Variants in NCALD observed in about 807,000 individuals in gnomAD.
NCALD encodes neurocalcin delta, also known as neurocalcin-delta.
Under a neutral mutation model 18.6 loss-of-function variants are expected in NCALD, and 10 were observed. The ratio of observed to expected loss-of-function variants is 0.54; its 90% CI spans 0.33 to 0.91. The LOEUF is 0.91. NCALD is among the 40% of genes least tolerant of loss of function. NCALD has a pLI of 0.03. For missense variants in NCALD, 184 were observed against 247.6 expected (o/e 0.74, Z 1.72); for synonymous variants, 88 against 87.4 (o/e 1.01, Z -0.04).
chr8:102,106,466 T>TATATAC (rs1554598545), intron 1 of NCALD, among the ~76,000 whole-genome samples: 37 of 139,102 alleles, frequency 2.7e-4, no homozygotes, highest in East Asian at 8.1e-4. Flanking sequence ...TATATATATA[T>TATATAC]ACACACACAC....
At position 102,059,556 on chromosome 8, in the gene NCALD, A is replaced by C. The variant is rs549738403; in HGVS notation, c.-209-39267T>G. Among the ~76,000 whole-genome samples the C allele has an allele frequency of 4.8e-4, 73 of 152,244 alleles. 1 individual carries two copies. Among genetic ancestry groups the C allele is most frequent in the Non-Finnish European group, 1.5e-4 (10 of 68,042 alleles). On this transcript the variant is annotated intron_variant, in intron 1 of 6. Coordinates refer to the NCALD transcript ENST00000311028. ...ACATGAACAAAATCAGGCTATAAAC[A>C]TGTAAAACCATTAGTAAAATATCAA...
upstream of NCALD, among the ~76,000 whole-genome samples, chr8:101,793,839 C>T (rs907978907): frequency 6.6e-6 from 1 of 152,162 alleles, no homozygotes; most frequent in Admixed American, 6.5e-5. Flanking sequence ...GACCACTTTG[C>T]CAGAAATAAC....
intron 1 of NCALD, among the ~76,000 whole-genome samples, chr8:102,074,761 A>G (rs1219052111): frequency 1.3e-5 from 2 of 152,212 alleles, no homozygotes. Flanking sequence ...ACTTTCTTCT[A>G]TAAAGAACTT....
rs996741967 is a variant in NCALD, at chr8:102,010,151, G to A, written c.-157+10086C>T. On this transcript the variant is annotated intron_variant, in intron 2 of 6. Coordinates refer to the NCALD transcript ENST00000311028. Reference sequence around the variant, plus strand: ...CTGAGAAATAGCTAATCACAAACACGTAGCACCCTCCAGCAAGATGTTATA... The same window carrying A: ...CTGAGAAATAGCTAATCACAAACACATAGCACCCTCCAGCAAGATGTTATA... Among the ~76,000 whole-genome samples the A allele has an allele frequency of 6.6e-5, 10 of 152,242 alleles. No individual in the cohort carries two copies. In the East Asian group the frequency reaches 7.7e-4, roughly 12 times the overall value.
intron 3 of NCALD, among the ~76,000 whole-genome samples, chr8:101,908,611 C>A (rs1053534558): frequency 6.6e-6 from 1 of 152,158 alleles, no homozygotes; most frequent in Non-Finnish European, 1.5e-5. Flanking sequence ...ACTCCTGCAT[C>A]TTCTACCCTT....
intron 3 of NCALD, among the ~76,000 whole-genome samples, chr8:101,893,011 A>C (rs1215711025): frequency 6.7e-6 from 1 of 148,984 alleles, no homozygotes; most frequent in Admixed American, 6.6e-5. Context: ...AAATACAGAG[A>C]ACGCCACAAA....
At chr8:101,830,198 C>A (rs901566123) in intron 4 of NCALD, among the ~76,000 whole-genome samples, 1 of 152,060 alleles carries the variant, frequency 6.6e-6, no homozygotes, top group Admixed American at 6.5e-5. Flanking sequence ...TTATAAGATA[C>A]AATTGATACT....
chr8:101,814,561 A>G, intron 4 of NCALD, among the ~76,000 whole-genome samples: 1 of 152,104 alleles, frequency 6.6e-6, no homozygotes, highest in East Asian at 1.9e-4. Context: ...ACAGCTTCCC[A>G]CTAAGAACAG....
rs114048520 is a variant in NCALD at position 101,975,865 on chromosome 8, C to T, written c.-157+44372G>A. On this transcript the variant is annotated intron_variant, in intron 2 of 6. Coordinates refer to the NCALD transcript ENST00000311028. Reference sequence around the variant, plus strand: ...ATCTTCTCTTTGTATTTCACCTTCACTCTCCAACCTATTCTACCCTGCTCT... The same window carrying T: ...ATCTTCTCTTTGTATTTCACCTTCATTCTCCAACCTATTCTACCCTGCTCT... 7.8e-3 allele frequency among the ~76,000 whole-genome samples: 1,184 copies of T among 152,274 alleles called. 18 individuals are homozygous for T. The highest frequency in any genetic ancestry group is 0.026 in the African/African-American group (1,078 of 41,550).
At chr8:102,066,028 A>G (rs1013885395) in intron 1 of NCALD, among the ~76,000 whole-genome samples, 1 of 152,172 alleles carries the variant, frequency 6.6e-6, no homozygotes, top group Non-Finnish European at 1.5e-5. Flanking sequence ...TTTTTCAGCT[A>G]TTAGTTTCAC....
At chr8:101,955,740 G>A (rs1337875814) in intron 2 of NCALD, among the ~76,000 whole-genome samples, 1 of 152,180 alleles carries the variant, frequency 6.6e-6, no homozygotes, top group Non-Finnish European at 1.5e-5. Context: ...TCAAAACTCA[G>A]TGTTTTCAAA....
At chr8:101,990,091 G>GA (rs1402308986) in intron 2 of NCALD, among the ~76,000 whole-genome samples, 1 of 152,028 alleles carries the variant, frequency 6.6e-6, no homozygotes, top group African/African-American at 2.4e-5. Context: ...GAAACTTGCT[G>GA]AAAAAAGGAG....
rs565259751 is a variant in NCALD at position 101,886,314 on chromosome 8, C to A, written c.-20+827G>T. Among the ~76,000 whole-genome samples, 16 of 152,272 alleles carry A rather than the reference C, an allele frequency of 1.1e-4. No homozygotes were observed. The Middle Eastern group carries it at 0.017, about 162-fold the overall frequency. Reference sequence around the variant, plus strand: ...AGTCTACTCAAGTTTCATTTGATATCAATGTATCTGCCCTGCCCCCATTTA... The same window carrying A: ...AGTCTACTCAAGTTTCATTTGATATAAATGTATCTGCCCTGCCCCCATTTA... On this transcript the variant is annotated intron_variant, in intron 4 of 6. Coordinates refer to the NCALD transcript ENST00000311028.
chr8:101,863,334 G>A (rs1815623712), intron 4 of NCALD, among the ~76,000 whole-genome samples: 3 of 152,228 alleles, frequency 2.0e-5, no homozygotes, highest in Admixed American at 1.3e-4. Context: ...TGTAATTGCA[G>A]GGATGAGGTT....
At chr8:102,054,133 G>A (rs937645384) in intron 1 of NCALD, among the ~76,000 whole-genome samples, 3 of 152,140 alleles carry the variant, frequency 2.0e-5, no homozygotes, top group Non-Finnish European at 2.9e-5. Context: ...TCACTCACAC[G>A]TTCAGTCAGA....
chr8:101,786,326 G>T (rs1386656805), intron 1 of NCALD, among the ~76,000 whole-genome samples: 2 of 152,168 alleles, frequency 1.3e-5, no homozygotes, highest in Non-Finnish European at 2.9e-5. Flanking sequence ...CTCACTTGAG[G>T]ATCCCATCAG....
chr8:102,008,474 T>TAAAAAAAAAA (rs34867950), intron 2 of NCALD, among the ~76,000 whole-genome samples: 1 of 133,362 alleles, frequency 7.5e-6, no homozygotes, highest in Non-Finnish European at 1.6e-5. Flanking sequence ...TAAAGGCAGT[T>TAAAAAAAAAA]AAAAAAAAAA....
At chr8:101,926,789 A>T (rs1280537352) in intron 2 of NCALD, among the ~76,000 whole-genome samples, 1 of 152,154 alleles carries the variant, frequency 6.6e-6, no homozygotes, top group Non-Finnish European at 1.5e-5. Flanking sequence ...AGGGTTAGGG[A>T]TAAGGAGGTG....
intron 1 of NCALD, among the ~76,000 whole-genome samples, chr8:102,028,001 G>C (rs546696281): frequency 6.6e-6 from 1 of 152,240 alleles, no homozygotes; most frequent in African/African-American, 2.4e-5. Context: ...TGTAATTCAA[G>C]ATAAGATTTG....
Sources: allele counts gnomAD v4.1 joint callset (sites outside exome capture counted in the v4.1 genomes callset), GRCh38; gene constraint gnomAD v4.1.1; transcripts MANE v1.5; gene names NCBI Gene and HGNC (gene_info 2026-07-23, HGNC 2026-07-21).